Variants in RYR3 observed in about 807,000 individuals in gnomAD.
RYR3 encodes the protein brain ryanodine receptor-calcium release channel.
A neutral mutation model predicts 584.3 loss-of-function variants in RYR3; 207 were observed. The ratio of observed to expected loss-of-function variants is 0.35; its 90% CI spans 0.32 to 0.40. RYR3 has a LOEUF of 0.40. Among genes scored for constraint, RYR3 ranks in the 10% least tolerant of loss-of-function variants. RYR3 has a pLI of 1.00. For missense variants in RYR3, 5,616 were observed against 6,089.2 expected (o/e 0.92, Z 2.59); for synonymous variants, 2,416 against 2,248.5 (o/e 1.07, Z -2.11).
chr15:33,834,910 C>T, intron 86 of RYR3, 58 bp from the exon 87 acceptor site: 2 of 1,397,146 alleles, frequency 1.4e-6, no homozygotes, highest in South Asian at 2.4e-5. Flanking sequence ...CCTTACTAGA[C>T]AGGTTTCAGA....
chr15:33,672,300 G>A (rs559400829), intron 38 of RYR3, among the ~76,000 whole-genome samples: 73 of 152,250 alleles, frequency 4.8e-4, no homozygotes, highest in South Asian at 1.9e-3. Context: ...CTGCAGCCCC[G>A]CTACCTCAGG....
chr15:33,762,302 G>A (rs1034745176), intron 60 of RYR3, among the ~76,000 whole-genome samples: 2 of 152,198 alleles, frequency 1.3e-5, no homozygotes, highest in Admixed American at 1.3e-4. Flanking sequence ...AATTGGAAGA[G>A]AGAAAGGCAA....
At chr15:33,349,744 CT>C (rs1275873168) in intron 1 of RYR3, among the ~76,000 whole-genome samples, 3,683 of 104,312 alleles carry the variant, frequency 0.035, 180 homozygotes, top group African/African-American at 0.099. Context: ...TCCCTCCCCC[CT>C]CCCCCCACCC....
intron 1 of RYR3, among the ~76,000 whole-genome samples, chr15:33,471,483 C>G (rs1197469333): frequency 6.6e-6 from 1 of 151,444 alleles, no homozygotes; most frequent in East Asian, 1.9e-4. Context: ...AAGGTCAAAG[C>G]CTTGGTGGTT....
At chr15:33,789,325 T>C (rs1458306772) in intron 67 of RYR3, among the ~76,000 whole-genome samples, 1 of 151,830 alleles carries the variant, frequency 6.6e-6, no homozygotes, top group Non-Finnish European at 1.5e-5. Flanking sequence ...GATTCACTCT[T>C]TGAGCACTGT....
intron 2 of RYR3, among the ~76,000 whole-genome samples, chr15:33,488,664 A>G (rs971664730): frequency 6.6e-6 from 1 of 152,120 alleles, no homozygotes; most frequent in African/African-American, 2.4e-5. Flanking sequence ...CATCCTGGCC[A>G]ACATGGTGAA....
chr15:33,327,145 G>A (rs1404483255), intron 1 of RYR3, among the ~76,000 whole-genome samples: 2 of 152,132 alleles, frequency 1.3e-5, no homozygotes, highest in African/African-American at 2.4e-5. Context: ...CACCTTCTCA[G>A]GCCAAAGGAT....
chr15:33,399,928 C>T (rs1440248920), intron 1 of RYR3, among the ~76,000 whole-genome samples: 1 of 151,918 alleles, frequency 6.6e-6, no homozygotes. Flanking sequence ...GTGCACATAC[C>T]ACAACAGAGC....
At chr15:33,340,548 C>T (rs765019253) in intron 1 of RYR3, among the ~76,000 whole-genome samples, 28 of 152,220 alleles carry the variant, frequency 1.8e-4, no homozygotes, top group Admixed American at 2.6e-4. Context: ...ATCAAGGTGT[C>T]GGCAGGTTTA....
At chr15:33,618,600 C>G (rs985092806) in intron 19 of RYR3, among the ~76,000 whole-genome samples, 6 of 152,198 alleles carry the variant, frequency 3.9e-5, no homozygotes, top group Non-Finnish European at 7.3e-5. Flanking sequence ...GAGTCAAATT[C>G]AGGTCAGCAA....
At chr15:33,743,790 A>G (rs1378660887) in intron 52 of RYR3, among the ~76,000 whole-genome samples, 1 of 152,242 alleles carries the variant, frequency 6.6e-6, no homozygotes, top group African/African-American at 2.4e-5. Flanking sequence ...GGTCTCCTCA[A>G]GTGCATTTGC....
At chr15:33,715,868 C>T (rs769617561) in intron 43 of RYR3, among the ~76,000 whole-genome samples, 5 of 152,280 alleles carry the variant, frequency 3.3e-5, no homozygotes, top group Admixed American at 6.5e-5. Flanking sequence ...AACTTAATCA[C>T]CTCCCAAAGG....
At chr15:33,511,299 G>C (rs1354933807) in intron 3 of RYR3, among the ~76,000 whole-genome samples, 1 of 143,002 alleles carries the variant, frequency 7.0e-6, no homozygotes, top group East Asian at 2.1e-4. Context: ...TATTTACCAG[G>C]TAGGAAATCC....
At chr15:33,735,617 C>A (rs773568474) in intron 48 of RYR3, among the ~76,000 whole-genome samples, 2 of 152,106 alleles carry the variant, frequency 1.3e-5, no homozygotes, top group African/African-American at 4.8e-5. Context: ...ATTCGTGTTG[C>A]TTATCTCTCC....
chr15:33,756,547 T>A (rs931092969), intron 59 of RYR3, among the ~76,000 whole-genome samples, 174 bp downstream of exon 59: 1 of 151,830 alleles, frequency 6.6e-6, no homozygotes, highest in African/African-American at 2.4e-5. Flanking sequence ...CAAGGAGGGA[T>A]GCAGTCTGCC....
chr15:33,671,714 A>G (rs1367809040), intron 38 of RYR3, among the ~76,000 whole-genome samples: 1 of 151,982 alleles, frequency 6.6e-6, no homozygotes, highest in African/African-American at 2.4e-5. Context: ...CCAAAGGAGA[A>G]CTGAAAATAG....
chr15:33,683,777 G>T (rs373645955), intron 38 of RYR3, among the ~76,000 whole-genome samples: 15 of 152,352 alleles, frequency 9.8e-5, no homozygotes, highest in Admixed American at 7.2e-4. Context: ...AGAAACTTCC[G>T]CCCAAATACT....
At chr15:33,663,468 G>A (rs1180296333) in intron 35 of RYR3, 69 bp from the exon 36 acceptor site, 2 of 1,371,560 alleles carry the variant, frequency 1.5e-6, no homozygotes, top group East Asian at 2.4e-5. Flanking sequence ...GCTACTGTCT[G>A]TAAAATGGGC....
rs1267337235 is a variant in RYR3 at position 33,828,235 on chromosome 15, T to A, written c.11334+948T>A. 2.0e-5 allele frequency among the ~76,000 whole-genome samples: 3 copies of A among 152,332 alleles called. No individual in the cohort carries two copies. In the East Asian group the frequency reaches 5.8e-4, roughly 29 times the overall value. On this transcript the variant is annotated intron_variant, in intron 85 of 103. Coordinates refer to ENST00000634891, the MANE Select transcript of RYR3 (RefSeq NM_001036.6). ...GTGTTCTCACCATTCCACCAACTGT[T>A]CCTCCATCTCCCTCCTTCTCCTCAG...
Sources: allele counts gnomAD v4.1 joint callset (sites outside exome capture counted in the v4.1 genomes callset), GRCh38; gene constraint gnomAD v4.1.1; transcripts MANE v1.5; gene names NCBI Gene and HGNC (gene_info 2026-07-23, HGNC 2026-07-21).